ABCA1: variants seen among roughly 807,000 people sequenced by gnomAD.
ABCA1 encodes the protein ATP binding cassette subfamily A member 1.
Under a neutral mutation model 262.5 loss-of-function variants are expected in ABCA1, and 133 were observed. The observed-to-expected ratio is 0.51, with a 90% confidence interval of 0.44 to 0.59. The LOEUF (loss-of-function observed/expected upper bound fraction) is 0.59. Among genes scored for constraint, ABCA1 ranks in the 20% least tolerant of loss-of-function variants. ABCA1 has a pLI of 0.00. For synonymous variants in ABCA1, 1,022 were observed against 1,043.5 expected, an observed-to-expected ratio of 0.98 and a Z score of 0.40; for missense variants, 2,452 against 2,777.5, an observed-to-expected ratio of 0.88 and a Z score of 2.63.
chr9:104,806,331 G>A lies in ABCA1; in HGVS notation c.4374C>T (p.Asn1458=). The change falls in exon 31 of 50, where the codon AAC becomes AAT. Residue 1458 remains asparagine, a synonymous_variant. Transcript: ENST00000374736. ...LFQNGNWTMQ[N]PSPACQCSSD... The stretch of plus-strand genomic sequence containing the variant: ...TGCTACACTGGCATGCAGGTGAAGG[G>A]TTCTGCATTGTCCAGTTCCCATTCT... 1 of 1,614,140 alleles carries A rather than the reference G, an allele frequency of 6.2e-7. No individual in the cohort carries two copies. Among genetic ancestry groups the A allele is most frequent in the Middle Eastern group, 1.7e-4 (1 of 6,054 alleles).
rs1416140886 is a variant in ABCA1 at position 104,840,492 on chromosome 9, T to C, written c.841A>G (p.Met281Val). The C allele has an allele frequency of 1.2e-6, 2 of 1,613,830 alleles. No homozygotes were observed. The highest frequency in any genetic ancestry group is 1.1e-5 in the South Asian group (1 of 91,066). ...GTCAGAAACATCACCTCCTGTCGCA[T>C]GTCACTCCAGCTTCTCATGCTGAAC... is the stretch of plus-strand genomic sequence containing the variant. ...ELFSMRSWSD[M>V]RQEVMFLTNV... The change falls in exon 9 of 50, where the codon ATG (methionine) becomes GTG (valine). Residue 281 changes from methionine to valine, a missense_variant. Transcript: ENST00000374736.
Position 104,793,630 on chromosome 9 carries a change from G to C in ABCA1, c.5507-330C>G, listed in dbSNP as rs185435680. ...GCAAACGACCCAAGTAATTTTCACA[G>C]TCAGTATTTTTAATAAATTCTAAGT... On this transcript the variant is annotated intron_variant, in intron 40 of 49. Coordinates refer to ENST00000374736, the MANE Select transcript of ABCA1 (RefSeq NM_005502.4). 2.6e-4 allele frequency among the ~76,000 whole-genome samples: 39 copies of C among 152,132 alleles called. No individual in the cohort carries two copies. The East Asian group carries it at 7.3e-3, about 29-fold the overall frequency.
intron 2 of ABCA1, among the ~76,000 whole-genome samples, chr9:104,893,708 AG>A (rs1363849361): frequency 1.3e-5 from 2 of 152,130 alleles, no homozygotes; most frequent in East Asian, 3.9e-4. Flanking sequence ...CTAAGGCTGG[AG>A]GAAGGGTAAA....
At chr9:104,861,453 T>C (rs1836375639) in intron 6 of ABCA1, 1 of 613,494 alleles carries the variant, frequency 1.6e-6, no homozygotes, top group Non-Finnish European at 2.9e-6. Context: ...CAGAAATCAA[T>C]TTTATTTTAA....
In ABCA1 at chr9:104,884,475, G is replaced by C; in HGVS notation, c.254C>G (p.Pro85Arg). ...AACTCCGGGAGCCTCCCCAGGAGTC[G>C]GGTAACGGAAACAGGGGTTGTTGGC... ...CNANNPCFRYPTPGEAPGVVG... is the reference protein window; with the variant it reads ...CNANNPCFRYRTPGEAPGVVG... The change falls in exon 4 of 50, where the codon CCG becomes CGG. Residue 85 changes from proline (P) to arginine (R), a missense_variant. Physicochemically the swap from Pro to Arg is moderately radical, Grantham distance 103. Around this residue, in one of 4 missense-constraint regions of ABCA1, gnomAD observed 1,032 missense variants for 1,089.7 expected, o/e 0.95. Coordinates refer to ENST00000374736, the MANE Select transcript of ABCA1 (RefSeq NM_005502.4). 6.2e-7 allele frequency: 1 copy of C among 1,614,204 alleles called. No homozygotes were observed. Among genetic ancestry groups the C allele is most frequent in the Non-Finnish European group, 8.5e-7 (1 of 1,180,020 alleles).
chr9:104,904,165 T>C (rs1006449233), intron 1 of ABCA1, among the ~76,000 whole-genome samples: 1 of 152,164 alleles, frequency 6.6e-6, no homozygotes, highest in African/African-American at 2.4e-5. Context: ...ACATACAAAG[T>C]CAGCAGCATT....
rs557997546 is a variant in ABCA1, at chr9:104,836,953, C to T, written c.1311+27G>A. The T allele has an allele frequency of 1.9e-6, 3 of 1,561,158 alleles. No homozygotes were observed. The African/African-American group carries it at 4.1e-5, about 21-fold the overall frequency. ...TCACCTCTCCAGTATCAAGCAGGCA[C>T]ATGGTAATAATGGGAGGGACACTCA... On this transcript the variant is annotated intron_variant, in intron 11 of 49. Coordinates refer to ENST00000374736, the MANE Select transcript of ABCA1 (RefSeq NM_005502.4).
chr9:104,867,524 C>T (rs1001812695), intron 5 of ABCA1, among the ~76,000 whole-genome samples: 6 of 152,122 alleles, frequency 3.9e-5, no homozygotes, highest in African/African-American at 1.4e-4. Flanking sequence ...CTAAGGTATG[C>T]ACATGTGTGT....
In ABCA1 at chr9:104,817,495, T is replaced by C; in HGVS notation, c.3463-91A>G. 5.0e-6 allele frequency: 7 copies of C among 1,390,526 alleles called. No individual in the cohort carries two copies. Among genetic ancestry groups the C allele is most frequent in the Non-Finnish European group, 7.1e-6 (7 of 985,598 alleles). The allele number at this position is 1,390,526 out of a possible 1,614,324, so 86.1% of individuals were successfully genotyped here. A position where few individuals can be genotyped will look rare whatever the true frequency, so the allele number is the denominator to read the frequency against. On this transcript the variant is annotated intron_variant, in intron 23 of 49. Coordinates refer to ENST00000374736, the MANE Select transcript of ABCA1 (RefSeq NM_005502.4). This position sits in a 1 kb window ranked among gnomAD's most constrained non-coding sequence, Gnocchi z 4.7. ...GCCGGGGAGGGCTTCCAAGAAGCTC[T>C]GTTGTGTGAGAACTAAAGGAAAAAG...
intron 8 of ABCA1, among the ~76,000 whole-genome samples, chr9:104,841,441 A>AAAAAAG (rs3837273): frequency 8.0e-5 from 12 of 150,792 alleles, no homozygotes; most frequent in Non-Finnish European, 1.0e-4. Flanking sequence ...AGTCTTAAAA[A>AAAAAAG]AAAAAGAAAA....
chr9:104,884,969 C>T (rs1044367075), intron 3 of ABCA1, among the ~76,000 whole-genome samples: 6 of 152,210 alleles, frequency 3.9e-5, no homozygotes, highest in Non-Finnish European at 1.5e-5. Flanking sequence ...GGCACAGTGG[C>T]TCGCGCCTGT....
At chr9:104,832,454 T>C (rs1412793283) in intron 12 of ABCA1, 120 bp downstream of exon 12, 15 of 1,081,994 alleles carry the variant, frequency 1.4e-5, no homozygotes, top group South Asian at 4.0e-5. Context: ...GCTTGAGGGA[T>C]AGTTTTGTAA....
At chr9:104,820,904 A>G (rs1365023301) in intron 20 of ABCA1, among the ~76,000 whole-genome samples, 2 of 152,166 alleles carry the variant, frequency 1.3e-5, no homozygotes, top group Non-Finnish European at 2.9e-5. Flanking sequence ...ATCAAAGAAC[A>G]ACTAGGTCTC....
At chr9:104,915,069 A>G (rs1841763646) in intron 1 of ABCA1, among the ~76,000 whole-genome samples, 1 of 152,216 alleles carries the variant, frequency 6.6e-6, no homozygotes, top group Admixed American at 6.5e-5. Flanking sequence ...GATAGGCTCA[A>G]GTCAGGAACT....
At chr9:104,890,799 TA>T (rs2118341139) in intron 2 of ABCA1, among the ~76,000 whole-genome samples, 2 of 152,230 alleles carry the variant, frequency 1.3e-5, no homozygotes, top group South Asian at 4.1e-4. Flanking sequence ...CAAGTCCTTA[TA>T]TTTTTATGGA....
Position 104,816,201 on chromosome 9 carries a change from T to A in ABCA1, c.3680A>T (p.Asp1227Val), listed in dbSNP as rs1288332640. Residue 1227 changes from aspartate (D) to valine (V), a missense_variant, in exon 25 of 50, where the codon GAC becomes GTC. By Grantham distance (152) the Asp-to-Val change is radical. This residue lies in a region of ABCA1 where 665 missense variants were observed against 727.3 expected (regional missense o/e 0.91). Coordinates refer to ENST00000374736, the MANE Select transcript of ABCA1 (RefSeq NM_005502.4). ...AFVELFHEID[D>V]RLSDLGISSY... ...AGAAATGCCCAGGTCTGAGAGCCGG[T>A]CATCAATCTCATGAAAGAGTTCCAC... 1.9e-6 allele frequency: 3 copies of A among 1,614,124 alleles called. No individual in the cohort carries two copies. In the Admixed American group the frequency reaches 5.0e-5, roughly 27 times the overall value.
intron 32 of ABCA1, among the ~76,000 whole-genome samples, chr9:104,804,251 ACT>A (rs1385001745): frequency 1.3e-5 from 2 of 152,258 alleles, no homozygotes; most frequent in Non-Finnish European, 1.5e-5. Context: ...TACCCAAGGC[ACT>A]CTATGTACAC....
chr9:104,802,339 C>G (rs958672442), intron 33 of ABCA1, among the ~76,000 whole-genome samples, 180 bp from the exon 34 acceptor site: 1 of 152,234 alleles, frequency 6.6e-6, no homozygotes, highest in African/African-American at 2.4e-5. Flanking sequence ...AATCTCTTAA[C>G]TCCCATGGTT....
intron 40 of ABCA1, 69 bp from the exon 41 acceptor site, chr9:104,793,369 G>A: frequency 6.2e-7 from 1 of 1,608,824 alleles, no homozygotes; most frequent in Non-Finnish European, 8.5e-7. Context: ...CCTCAAATTT[G>A]GGCCTATGTT....
Sources: gnomAD v4.1 joint callset for allele counts (sites outside exome capture counted in the v4.1 genomes callset) on GRCh38, gnomAD v4.1.1 for gene constraint, gnomAD v4.1.1 regional missense constraint, Gnocchi (gnomAD v3.1) non-coding constraint, MANE v1.5 for transcripts, NCBI Gene and HGNC (gene_info 2026-07-23, HGNC 2026-07-21) for gene names.